The following PRKN variants were observed in gnomAD, a reference collection of about 807,000 sequenced individuals.
The protein encoded by PRKN is E3 ubiquitin-protein ligase parkin.
In PRKN, 56 loss-of-function variants were observed where a neutral mutation model predicts 59.5. The ratio of observed to expected loss-of-function variants is 0.94; its 90% CI spans 0.76 to 1.18. The LOEUF is 1.18. Ranked by LOEUF, PRKN falls within the 50% of genes most tolerant of loss-of-function variation. PRKN has a pLI of 0.00. For synonymous variants in PRKN, 250 were observed against 222.1 expected (o/e 1.13, Z -1.12); for missense variants, 657 against 596.4 (o/e 1.10, Z -1.06).
chr6:162,224,715 C>T lies in PRKN; in HGVS notation c.413-23463G>A, dbSNP rs1356698033. Among the ~76,000 whole-genome samples the T allele has an allele frequency of 3.9e-5, 6 of 152,226 alleles. No individual in the cohort carries two copies. In the East Asian group the frequency reaches 1.2e-3, roughly 29 times the overall value. On this transcript the variant is annotated intron_variant, in intron 3 of 11. Coordinates refer to ENST00000366898, the MANE Select transcript of PRKN (RefSeq NM_004562.3). ...CTGGGGAATTGGATGCTGCTGCATC[C>T]TCTTTCTGGGCACGGACCCACCCTG... is the stretch of plus-strand genomic sequence containing the variant.
chr6:162,183,789 C>T (rs183952611), intron 4 of PRKN, among the ~76,000 whole-genome samples: 15 of 152,238 alleles, frequency 9.9e-5, no homozygotes, highest in African/African-American at 2.4e-4. Flanking sequence ...TGCCGCCCCT[C>T]GATCCCTACC....
rs561828169 is a variant in PRKN at position 161,534,639 on chromosome 6, G to A, written c.1083+14215C>T. Among the ~76,000 whole-genome samples, 187 of 152,286 alleles carry A rather than the reference G, an allele frequency of 1.2e-3. 1 individual carries two copies. Among genetic ancestry groups the A allele is most frequent in the African/African-American group, 4.2e-3 (176 of 41,564 alleles). On this transcript the variant is annotated intron_variant, in intron 9 of 11. Coordinates refer to ENST00000366898, the MANE Select transcript of PRKN (RefSeq NM_004562.3). Reference sequence around the variant, plus strand: ...TGTTGCCATGCGGCTATGCTGTTTCGCATAGACATGTCTTGTCTTCCCATT... The same window carrying A: ...TGTTGCCATGCGGCTATGCTGTTTCACATAGACATGTCTTGTCTTCCCATT...
intron 6 of PRKN, among the ~76,000 whole-genome samples, chr6:161,882,726 G>A (rs1395975764): frequency 6.6e-6 from 1 of 152,166 alleles, no homozygotes; most frequent in East Asian, 1.9e-4. Context: ...CTCCACGGCT[G>A]GGCGCGGTGG....
At chr6:162,130,505 G>T (rs1334903389) in intron 4 of PRKN, among the ~76,000 whole-genome samples, 1 of 152,076 alleles carries the variant, frequency 6.6e-6, no homozygotes, top group Non-Finnish European at 1.5e-5. Context: ...AGTAAAATAT[G>T]GCCAGGGTCC....
At chr6:162,181,284 A>G (rs1479264855) in intron 4 of PRKN, among the ~76,000 whole-genome samples, 1 of 152,230 alleles carries the variant, frequency 6.6e-6, no homozygotes, top group Non-Finnish European at 1.5e-5. Flanking sequence ...AGTGGGATTA[A>G]TTACATAAAT....
At chr6:162,472,450 A>T (rs1011096051) in intron 1 of PRKN, among the ~76,000 whole-genome samples, 2 of 130,352 alleles carry the variant, frequency 1.5e-5, no homozygotes, top group Non-Finnish European at 3.2e-5. Flanking sequence ...TGCAGTCCAA[A>T]CTCTAACTTT....
intron 6 of PRKN, among the ~76,000 whole-genome samples, chr6:161,945,344 T>C (rs938792737): frequency 2.6e-5 from 4 of 152,162 alleles, no homozygotes; most frequent in Admixed American, 6.5e-5. Context: ...GCAAAGATGC[T>C]TCCTAGATTT....
chr6:161,847,483 T>C (rs2128221774), intron 6 of PRKN, among the ~76,000 whole-genome samples: 1 of 152,310 alleles, frequency 6.6e-6, no homozygotes, highest in African/African-American at 2.4e-5. Flanking sequence ...GCTGTCTACA[T>C]CAAGTGGTTG....
At chr6:162,501,239 G>T (rs1793353153) in intron 1 of PRKN, among the ~76,000 whole-genome samples, 1 of 152,082 alleles carries the variant, frequency 6.6e-6, no homozygotes, top group Non-Finnish European at 1.5e-5. Flanking sequence ...GTGGAGTTTG[G>T]ATCAGTGAGG....
chr6:162,439,348 CTCT>C (rs1789939485), intron 2 of PRKN, among the ~76,000 whole-genome samples: 1 of 146,710 alleles, frequency 6.8e-6, no homozygotes, highest in Non-Finnish European at 1.5e-5. Context: ...CCTTCTCTCT[CTCT>C]CTCTCTCTCT....
intron 7 of PRKN, among the ~76,000 whole-genome samples, chr6:161,609,697 A>C (rs1042108477): frequency 3.9e-5 from 6 of 152,086 alleles, no homozygotes; most frequent in African/African-American, 1.4e-4. Context: ...AAAACAAAAA[A>C]CCCTAAGAAA....
intron 7 of PRKN, among the ~76,000 whole-genome samples, chr6:161,670,406 G>A (rs538929242): frequency 3.9e-5 from 6 of 152,224 alleles, no homozygotes; most frequent in Admixed American, 3.9e-4. Flanking sequence ...GTGGTTTCGG[G>A]TGGCTGCCAA....
At chr6:162,106,540 A>T (rs1468359366) in intron 4 of PRKN, among the ~76,000 whole-genome samples, 1 of 152,168 alleles carries the variant, frequency 6.6e-6, no homozygotes, top group African/African-American at 2.4e-5. Flanking sequence ...TTTTAAAAGC[A>T]TTTTGAATCA....
intron 2 of PRKN, among the ~76,000 whole-genome samples, chr6:162,407,932 G>T: frequency 6.7e-6 from 1 of 150,176 alleles, no homozygotes; most frequent in Non-Finnish European, 1.5e-5. Context: ...TAAAGTTTGG[G>T]TTCCTAATTT....
chr6:162,103,143 T>G (rs2128299823), intron 4 of PRKN, among the ~76,000 whole-genome samples: 1 of 152,128 alleles, frequency 6.6e-6, no homozygotes, highest in East Asian at 1.9e-4. Context: ...CAGAGGGTTT[T>G]ATAAGTGAGT....
At chr6:161,922,242 G>A (rs1778811324) in intron 6 of PRKN, among the ~76,000 whole-genome samples, 1 of 152,132 alleles carries the variant, frequency 6.6e-6, no homozygotes, top group Non-Finnish European at 1.5e-5. Flanking sequence ...CCTTGTTCTA[G>A]CTATTTCCTG....
chr6:162,610,543 G>A (rs9364666), intron 1 of PRKN, among the ~76,000 whole-genome samples: 28,072 of 152,004 alleles, frequency 0.18, 3,244 homozygotes, highest in East Asian at 0.49. Context: ...CACAAATGAA[G>A]GATTTCTTGT....
intron 2 of PRKN, among the ~76,000 whole-genome samples, chr6:162,393,361 T>TGCTGGCTAGGA (rs1446152733): frequency 6.6e-6 from 1 of 151,914 alleles, no homozygotes; most frequent in African/African-American, 2.4e-5. Context: ...GGTTTCACCA[T>TGCTGGCTAGGA]GCTGGCTAGG....
At chr6:161,748,504 T>A (rs958114114) in intron 7 of PRKN, among the ~76,000 whole-genome samples, 1 of 152,010 alleles carries the variant, frequency 6.6e-6, no homozygotes. Context: ...GCTCAGAAAA[T>A]CACCTCCTCC....
Sources: allele counts gnomAD v4.1 joint callset (sites outside exome capture counted in the v4.1 genomes callset), GRCh38; gene constraint gnomAD v4.1.1; transcripts MANE v1.5; gene names NCBI Gene and HGNC (gene_info 2026-07-23, HGNC 2026-07-21).